Variants in DAB2IP observed in about 807,000 individuals in gnomAD.
DAB2IP encodes disabled homolog 2-interacting protein.
In DAB2IP, 28 loss-of-function variants were observed where a neutral mutation model predicts 107.2. The observed-to-expected ratio is 0.26, with a 90% CI of 0.19 to 0.36. The LOEUF (loss-of-function observed/expected upper bound fraction) is 0.36. DAB2IP is among the 10% of genes least tolerant of loss of function. The pLI, the probability that DAB2IP is intolerant of heterozygous loss-of-function variation, is 1.00. For synonymous variants in DAB2IP, 755 were observed against 706.4 expected, an observed-to-expected ratio of 1.07 and a Z score of -1.09; for missense variants, 1,400 against 1,644.7, an observed-to-expected ratio of 0.85 and a Z score of 2.57.
chr9:121,651,518 C>G (rs918290224), upstream of DAB2IP: 1 of 341,696 alleles, frequency 2.9e-6, no homozygotes, highest in Non-Finnish European at 4.2e-6. The surrounding 1 kb of genome is among the most constrained non-coding windows in gnomAD (Gnocchi z 5.1). Flanking sequence ...GCCGGGATTT[C>G]TCCCGCACTG....
chr9:121,670,483 G>A (rs982263273), intron 1 of DAB2IP, among the ~76,000 whole-genome samples: 1 of 152,214 alleles, frequency 6.6e-6, no homozygotes, highest in Non-Finnish European at 1.5e-5. Context: ...CTTGCTAGGG[G>A]AATTCAATTC....
In DAB2IP at chr9:121,576,250, T is replaced by C. The variant is rs573208341; in HGVS notation, c.40+9022T>C. 3.0e-4 allele frequency: 46 copies of C among 152,256 alleles called. 1 individual carries two copies. The highest frequency in any genetic ancestry group is 1.1e-3 in the African/African-American group (45 of 41,484). 9.4% of individuals were successfully genotyped at this position (152,256 alleles called of 1,614,324 possible). On this transcript the variant is annotated intron_variant, in intron 1 of 16. Coordinates refer to the DAB2IP transcript ENST00000259371. ...AACTCATTAACAGAGCTTAATGCCG[T>C]TCATGGTCTGACCCTGCAGATACAC...
At chr9:121,570,967 G>T (rs1281171204) in intron 1 of DAB2IP, among the ~76,000 whole-genome samples, 1 of 151,956 alleles carries the variant, frequency 6.6e-6, no homozygotes, top group Non-Finnish European at 1.5e-5. Context: ...TGCCTCCTCT[G>T]CTCCTTCATG....
chr9:121,683,063 T>G (rs1335232132), intron 2 of DAB2IP, among the ~76,000 whole-genome samples: 1 of 152,084 alleles, frequency 6.6e-6, no homozygotes, highest in Non-Finnish European at 1.5e-5. Context: ...GTCTGCTCTG[T>G]GCCAGTAGTG....
chr9:121,717,441 G>A (rs1830669911), intron 3 of DAB2IP, among the ~76,000 whole-genome samples: 1 of 152,212 alleles, frequency 6.6e-6, no homozygotes, highest in Non-Finnish European at 1.5e-5. Flanking sequence ...ACTATTTAAC[G>A]CGCTTGCTGT....
intron 1 of DAB2IP, among the ~76,000 whole-genome samples, chr9:121,641,777 T>A (rs1589440643): frequency 6.6e-6 from 1 of 151,796 alleles, no homozygotes; most frequent in African/African-American, 2.4e-5. Context: ...CCTGCCTGCC[T>A]GCCTGCCTGC....
intron 1 of DAB2IP, among the ~76,000 whole-genome samples, chr9:121,670,696 C>T (rs879482064): frequency 1.3e-5 from 2 of 152,172 alleles, no homozygotes; most frequent in Non-Finnish European, 2.9e-5. Flanking sequence ...GACTCACCTT[C>T]TTGCTTCCCT....
chr9:121,751,216 A>G (rs1249746002), intron 3 of DAB2IP: 1 of 170,934 alleles, frequency 5.9e-6, no homozygotes, highest in African/African-American at 2.4e-5. Flanking sequence ...GCTGTGGGCC[A>G]CCCCTGGACG....
intron 14 of DAB2IP, among the ~76,000 whole-genome samples, chr9:121,778,782 G>A (rs1481184591): frequency 6.6e-6 from 1 of 152,182 alleles, no homozygotes; most frequent in Non-Finnish European, 1.5e-5. Context: ...TCCAGATTTG[G>A]CCCTCACCCT....
rs369466458 is a variant in DAB2IP at position 121,567,147 on chromosome 9, T to A, written c.-42T>A. On this transcript the variant is annotated 5_prime_UTR_variant, in exon 1 of 17. Coordinates refer to the DAB2IP transcript ENST00000259371. Reference sequence around the variant, plus strand: ...CAGACGCTCATGGAGACAGCCTCGGTTCATAAATCAGGTGGGGCCAGGGGC... The same window carrying A: ...CAGACGCTCATGGAGACAGCCTCGGATCATAAATCAGGTGGGGCCAGGGGC... 6.1e-4 allele frequency: 985 copies of A among 1,613,620 alleles called. 3 individuals are homozygous for A. Among genetic ancestry groups the A allele is most frequent in the Admixed American group, 1.2e-3 (72 of 59,952 alleles).
chr9:121,667,278 C>A (rs909856318), intron 1 of DAB2IP, among the ~76,000 whole-genome samples: 2 of 151,596 alleles, frequency 1.3e-5, no homozygotes, highest in African/African-American at 4.8e-5. Flanking sequence ...TCCCAAAGTG[C>A]TGGGGAAAAG....
In DAB2IP at chr9:121,768,421, C is replaced by T. The variant is rs926145058; in HGVS notation, c.1698-11C>T. 2.2e-5 allele frequency: 35 copies of T among 1,613,974 alleles called. No homozygotes were observed. The highest frequency in any genetic ancestry group is 2.8e-5 in the Non-Finnish European group (33 of 1,180,002). On this transcript the variant is annotated splice_polypyrimidine_tract_variant and intron_variant, in intron 9 of 15. Coordinates refer to ENST00000408936, the Ensembl canonical transcript of DAB2IP. ...GGCCCAGTAGTGCTCACCCAACTGCCCTCTCTCCAGATTTGGCAGCAAGGA... is the reference window on the plus strand; with the variant it reads ...GGCCCAGTAGTGCTCACCCAACTGCTCTCTCTCCAGATTTGGCAGCAAGGA...
chr9:121,643,441 A>C (rs764811397), intron 1 of DAB2IP, among the ~76,000 whole-genome samples: 1 of 151,890 alleles, frequency 6.6e-6, no homozygotes, highest in Non-Finnish European at 1.5e-5. Flanking sequence ...CCTCACCCCA[A>C]CTTGGTTCTA....
intron 1 of DAB2IP, among the ~76,000 whole-genome samples, chr9:121,638,570 G>C (rs941106132): frequency 2.0e-5 from 3 of 152,216 alleles, no homozygotes; most frequent in Non-Finnish European, 2.9e-5. Context: ...GAGTGAATGC[G>C]AGTCAGCCAG....
At chr9:121,779,337 C>T (rs1182040241) in intron 14 of DAB2IP, among the ~76,000 whole-genome samples, 1 of 152,178 alleles carries the variant, frequency 6.6e-6, no homozygotes, top group African/African-American at 2.4e-5. Flanking sequence ...TTGTCTAATT[C>T]TATCATCTGT....
chr9:121,578,570 C>A (rs1417794337), intron 1 of DAB2IP, among the ~76,000 whole-genome samples: 1 of 151,816 alleles, frequency 6.6e-6, no homozygotes, highest in Admixed American at 6.6e-5. Context: ...CTGAGGCCAA[C>A]CTTGGTCCCT....
At chr9:121,720,845 T>G (rs553696642) in intron 3 of DAB2IP, among the ~76,000 whole-genome samples, 34 of 152,244 alleles carry the variant, frequency 2.2e-4, no homozygotes, top group African/African-American at 7.7e-4. Context: ...GACAATTGTC[T>G]GTGTCTGGGG....
At chr9:121,754,322 G>A (rs76135016) in intron 3 of DAB2IP, among the ~76,000 whole-genome samples, 7 of 152,318 alleles carry the variant, frequency 4.6e-5, no homozygotes, top group Non-Finnish European at 7.3e-5. Flanking sequence ...GCATAGGAAC[G>A]TGAGTGAGAG....
chr9:121,733,721 C>T (rs1027618466), intron 3 of DAB2IP, among the ~76,000 whole-genome samples: 2 of 152,164 alleles, frequency 1.3e-5, no homozygotes, highest in East Asian at 3.9e-4. Flanking sequence ...GGAAGGCTTC[C>T]CTCAGGTGGG....
Sources: gnomAD v4.1 joint callset for allele counts (sites outside exome capture counted in the v4.1 genomes callset) on GRCh38, gnomAD v4.1.1 for gene constraint, Gnocchi (gnomAD v3.1) non-coding constraint, MANE v1.5 for transcripts, NCBI Gene and HGNC (gene_info 2026-07-23, HGNC 2026-07-21) for gene names.